Variants in NFATC1 observed in about 807,000 individuals in gnomAD.
NFATC1 encodes nuclear factor of activated T-cells, cytoplasmic 1.
A neutral mutation model predicts 76.0 loss-of-function variants in NFATC1; 22 were observed. The ratio of observed to expected loss-of-function variants is 0.29; its 90% CI spans 0.21 to 0.41. The LOEUF (loss-of-function observed/expected upper bound fraction) is 0.41. NFATC1 is among the 10% of genes least tolerant of loss of function. NFATC1 has a pLI of 1.00. For missense variants in NFATC1, 1,357 were observed against 1,337.7 expected (o/e 1.01, Z -0.23); for synonymous variants, 704 against 613.1 (o/e 1.15, Z -2.19).
In NFATC1 at chr18:79,410,543, G is replaced by A. The variant is rs150029004; in HGVS notation, c.268G>A (p.Gly90Arg). 94 of 1,611,704 alleles carry A rather than the reference G, an allele frequency of 5.8e-5. No individual in the cohort carries two copies. The Admixed American group carries it at 8.8e-4, about 15-fold the overall frequency. ...IPPADHPSGY[G>R]AALDGGPAGY... Reference sequence around the variant, plus strand: ...GCCGGCGGATCACCCCTCGGGGTACGGAGCAGCTTTGGACGGTGGGCCCGC... The same window carrying A: ...GCCGGCGGATCACCCCTCGGGGTACAGAGCAGCTTTGGACGGTGGGCCCGC... The change falls in exon 2 of 10, where the codon GGA (glycine) becomes AGA (arginine). Residue 90 changes from glycine (G) to arginine (R), a missense_variant. This residue lies in a region of NFATC1 where 691 missense variants were observed against 613.1 expected (regional missense o/e 1.13). Coordinates refer to ENST00000427363, the MANE Select transcript of NFATC1 (RefSeq NM_001278669.2). The surrounding 1 kb of genome is among the most constrained non-coding windows in gnomAD (Gnocchi z 6.7).
chr18:79,520,593 G>A lies in NFATC1; in HGVS notation c.2783-6935G>A, dbSNP rs112442932. On this transcript the variant is annotated intron_variant, in intron 9 of 9. Transcript: ENST00000427363. ...CGTGTGTGTGGGGGCATCCGCTGAT[G>A]TGTGTGTCTGTGTGTGTGTGGGGGG... is the stretch of plus-strand genomic sequence containing the variant. 9.4e-4 allele frequency among the ~76,000 whole-genome samples: 123 copies of A among 130,408 alleles called. 1 individual carries two copies. The highest frequency in any genetic ancestry group is 3.2e-3 in the African/African-American group (111 of 34,416). 85.6% of individuals were successfully genotyped at this position (130,408 alleles called of 152,430 possible).
intron 8 of NFATC1, among the ~76,000 whole-genome samples, chr18:79,471,266 G>T (rs950417834): frequency 6.6e-6 from 1 of 152,170 alleles, no homozygotes; most frequent in Non-Finnish European, 1.5e-5. Flanking sequence ...AACCTGGAAC[G>T]TGGGAACCCT....
chr18:79,450,157 G>C (rs1406929079), intron 4 of NFATC1, among the ~76,000 whole-genome samples: 5 of 152,214 alleles, frequency 3.3e-5, no homozygotes, highest in Admixed American at 2.6e-4. Context: ...CTCCAGCCCT[G>C]TGCTGGCTGC....
At chr18:79,505,753 TGGTG>T (rs2090106237) in intron 9 of NFATC1, among the ~76,000 whole-genome samples, 1 of 142,268 alleles carries the variant, frequency 7.0e-6, no homozygotes, top group South Asian at 2.2e-4. Flanking sequence ...TGGGAGGAGG[TGGTG>T]GATGAGACCC....
At chr18:79,443,465 C>T (rs978336107) in intron 3 of NFATC1, among the ~76,000 whole-genome samples, 9 of 152,210 alleles carry the variant, frequency 5.9e-5, no homozygotes, top group African/African-American at 1.9e-4. Flanking sequence ...TGCATGGACA[C>T]GTCGTCCTGT....
intron 6 of NFATC1, among the ~76,000 whole-genome samples, chr18:79,461,105 A>C (rs933686234): frequency 6.6e-5 from 10 of 152,194 alleles, no homozygotes; most frequent in African/African-American, 2.2e-4. Context: ...TCCCAGGGCA[A>C]CTTTGGTGTC....
At chr18:79,519,326 TTTTTA>T (rs1325276672) in intron 9 of NFATC1, among the ~76,000 whole-genome samples, 1 of 152,110 alleles carries the variant, frequency 6.6e-6, no homozygotes, top group Non-Finnish European at 1.5e-5. Context: ...GGCTATTTAT[TTTTTA>T]TTTTTTTATT....
intron 2 of NFATC1, among the ~76,000 whole-genome samples, chr18:79,428,109 TG>T (rs201551189): frequency 2.3e-5 from 1 of 43,830 alleles, no homozygotes; most frequent in Non-Finnish European, 4.8e-5. Context: ...TGCGGTGGGT[TG>T]GGGGGGCCTG....
intron 9 of NFATC1, among the ~76,000 whole-genome samples, chr18:79,491,218 G>A (rs1038634515): frequency 1.1e-4 from 17 of 152,128 alleles, no homozygotes; most frequent in Admixed American, 2.6e-4. Context: ...GGGCTCAGTC[G>A]CTGGCTTAGA....
intron 3 of NFATC1, among the ~76,000 whole-genome samples, chr18:79,443,940 G>C (rs1176025647): frequency 6.6e-6 from 1 of 152,218 alleles, no homozygotes. Flanking sequence ...ACAGTGCCAG[G>C]TTTGTGGGAT....
chr18:79,453,509 A>C (rs1475807274), intron 6 of NFATC1, among the ~76,000 whole-genome samples: 2 of 152,210 alleles, frequency 1.3e-5, no homozygotes, highest in African/African-American at 4.8e-5. Context: ...TCCTGCCTTC[A>C]TCATCACTGT....
chr18:79,521,190 T>TG (rs2090546918), intron 9 of NFATC1, among the ~76,000 whole-genome samples: 1 of 42,902 alleles, frequency 2.3e-5, no homozygotes, highest in Non-Finnish European at 4.2e-5. Context: ...CATGTGTGTG[T>TG]GGGGGCATCA....
At chr18:79,487,844 T>G (rs555302274) in intron 9 of NFATC1, among the ~76,000 whole-genome samples, 1 of 152,366 alleles carries the variant, frequency 6.6e-6, no homozygotes, top group Admixed American at 6.5e-5. Context: ...CCCGCGGCCC[T>G]GGTGACCACG....
intron 9 of NFATC1, among the ~76,000 whole-genome samples, chr18:79,494,725 G>A (rs1322652903): frequency 3.6e-5 from 3 of 83,872 alleles, no homozygotes; most frequent in East Asian, 4.1e-4. Context: ...GGGGGAAGGC[G>A]AGAGCGGGCA....
intron 9 of NFATC1, among the ~76,000 whole-genome samples, chr18:79,521,087 G>A (rs1372214920): frequency 8.1e-4 from 68 of 83,944 alleles, no homozygotes; most frequent in African/African-American, 1.1e-3. Context: ...GGGGGCATCC[G>A]CTGATGTGTG....
intron 3 of NFATC1, among the ~76,000 whole-genome samples, chr18:79,439,147 G>T (rs983376382): frequency 6.6e-6 from 1 of 152,186 alleles, no homozygotes; most frequent in Non-Finnish European, 1.5e-5. Flanking sequence ...ACTGTTCCAC[G>T]CAGGGCCTCA....
At chr18:79,440,862 TTGTC>T (rs2086947179) in intron 3 of NFATC1, among the ~76,000 whole-genome samples, 2 of 152,230 alleles carry the variant, frequency 1.3e-5, no homozygotes. Context: ...CTTGCTTTCT[TTGTC>T]TGTGACGTTG....
intron 8 of NFATC1, chr18:79,467,895 G>A (rs1458972396): frequency 5.1e-6 from 6 of 1,174,836 alleles, no homozygotes; most frequent in Non-Finnish European, 6.3e-6. Context: ...AAAAACTGAG[G>A]GGGTCCTGGT....
chr18:79,447,412 G>A (rs940709815), intron 3 of NFATC1, among the ~76,000 whole-genome samples: 3 of 152,262 alleles, frequency 2.0e-5, no homozygotes, highest in Non-Finnish European at 4.4e-5. Context: ...GACTCTGCAC[G>A]TGGTCATCGT....
Sources: gnomAD v4.1 joint callset for allele counts (sites outside exome capture counted in the v4.1 genomes callset) on GRCh38, gnomAD v4.1.1 for gene constraint, gnomAD v4.1.1 regional missense constraint, Gnocchi (gnomAD v3.1) non-coding constraint, MANE v1.5 for transcripts, NCBI Gene and HGNC (gene_info 2026-07-23, HGNC 2026-07-21) for gene names.